Variants in SLC26A7 observed in about 807,000 individuals in gnomAD.
SLC26A7 encodes the protein solute carrier family 26 member 7, also known as anion exchange transporter.
SLC26A7 carries 59 observed loss-of-function variants against 82.5 expected under a neutral mutation model. That is an observed-to-expected ratio of 0.72 (90% CI 0.58 to 0.89). The LOEUF (loss-of-function observed/expected upper bound fraction) is 0.89. SLC26A7 is among the 40% of genes least tolerant of loss of function. The pLI is 0.00. For missense variants in SLC26A7, 820 were observed against 793.0 expected, an observed-to-expected ratio of 1.03 and a Z score of -0.41; for synonymous variants, 271 against 274.3, an observed-to-expected ratio of 0.99 and a Z score of 0.12.
At chr8:91,332,357 TAATTATATATAA>T (rs1813110076) in intron 5 of SLC26A7, among the ~76,000 whole-genome samples, 3 of 143,554 alleles carry the variant, frequency 2.1e-5, no homozygotes. Flanking sequence ...TATAAATTTA[TAATTATATATAA>T]AATTATATAA....
At chr8:91,261,980 G>A (rs542956606) in intron 2 of SLC26A7, among the ~76,000 whole-genome samples, 9 of 152,136 alleles carry the variant, frequency 5.9e-5, no homozygotes, top group African/African-American at 1.7e-4. Context: ...AGAGTAAAAC[G>A]TACCATTGGA....
chr8:91,314,604 C>G (rs1343251561), intron 4 of SLC26A7, among the ~76,000 whole-genome samples: 4 of 152,122 alleles, frequency 2.6e-5, no homozygotes, highest in Non-Finnish European at 4.4e-5. Context: ...ATTCAGAAGA[C>G]AGAAATTTCT....
At chr8:91,360,512 A>G (rs1362395937) in intron 11 of SLC26A7, among the ~76,000 whole-genome samples, 1 of 152,194 alleles carries the variant, frequency 6.6e-6, no homozygotes, top group South Asian at 2.1e-4. Flanking sequence ...ATTAATTTCC[A>G]TTTGATATTT....
intron 3 of SLC26A7, among the ~76,000 whole-genome samples, chr8:91,294,608 G>A (rs1811967299): frequency 6.6e-6 from 1 of 152,132 alleles, no homozygotes; most frequent in Non-Finnish European, 1.5e-5. Context: ...GAGAGCAAAT[G>A]TTTGCACAAT....
chr8:91,211,203 A>G (rs747666590), intron 1 of SLC26A7, among the ~76,000 whole-genome samples: 2 of 152,104 alleles, frequency 1.3e-5, no homozygotes, highest in Non-Finnish European at 2.9e-5. Context: ...AAAAATTTTT[A>G]AAGGAAAATT....
intron 1 of SLC26A7, among the ~76,000 whole-genome samples, chr8:91,216,490 G>T (rs1296826281): frequency 6.6e-6 from 1 of 152,062 alleles, no homozygotes; most frequent in East Asian, 1.9e-4. Context: ...CTTGGTTCTT[G>T]GCTCTATTAA....
intron 5 of SLC26A7, among the ~76,000 whole-genome samples, chr8:91,332,349 T>C (rs1406159538): frequency 7.0e-6 from 1 of 143,322 alleles, no homozygotes; most frequent in South Asian, 2.1e-4. Context: ...ATAATATATA[T>C]AAATTTATAA....
chr8:91,331,180 G>T (rs1435450136), intron 5 of SLC26A7, among the ~76,000 whole-genome samples: 2 of 152,062 alleles, frequency 1.3e-5, no homozygotes, highest in Admixed American at 6.6e-5. Flanking sequence ...ACATTCTGAG[G>T]CACTGGGGGT....
intron 15 of SLC26A7, among the ~76,000 whole-genome samples, chr8:91,371,642 A>T (rs1436609602): frequency 6.6e-6 from 1 of 151,678 alleles, no homozygotes; most frequent in Non-Finnish European, 1.5e-5. Context: ...CAGTCCATCT[A>T]GGTTGATTCT....
chr8:91,255,074 T>C (rs928376575), intron 2 of SLC26A7, among the ~76,000 whole-genome samples: 1 of 152,078 alleles, frequency 6.6e-6, no homozygotes, highest in African/African-American at 2.4e-5. Flanking sequence ...ACTCAAGCAT[T>C]GAGACAGAGT....
At chr8:91,281,227 CA>C (rs777399598) in intron 2 of SLC26A7, among the ~76,000 whole-genome samples, 4 of 152,180 alleles carry the variant, frequency 2.6e-5, no homozygotes, top group Non-Finnish European at 5.9e-5. Flanking sequence ...TGGATTTTTA[CA>C]TAAGAGTATC....
At chr8:91,283,059 C>G (rs1811617445) in intron 2 of SLC26A7, among the ~76,000 whole-genome samples, 1 of 152,118 alleles carries the variant, frequency 6.6e-6, no homozygotes, top group Admixed American at 6.6e-5. Flanking sequence ...ATTCATGTTT[C>G]CATGAAACCA....
At position 91,249,829 on chromosome 8, in the gene SLC26A7, C is replaced by T. The variant is rs780656558; in HGVS notation, c.178C>T (p.Gln60Ter). Residue 60 changes from glutamine to a stop codon, truncating the protein, a stop_gained, in exon 2 of 19, where the codon CAA (glutamine) becomes TAA (stop). Coordinates refer to ENST00000276609, the MANE Select transcript of SLC26A7 (RefSeq NM_052832.4). LOFTEE classifies it high-confidence loss of function. ...DTVSGIMLAV[Q>*]QVTQGLAFAV... is the part of the protein sequence containing the mutation. The stretch of plus-strand genomic sequence containing the variant: ...TGTGTCTGGGATAATGTTGGCAGTT[C>T]AACAGGTGACCCAAGGTAATGTATT... 2 of 1,603,222 alleles carry T rather than the reference C, an allele frequency of 1.2e-6. No homozygotes were observed. The highest frequency in any genetic ancestry group is 2.3e-5 in the South Asian group (2 of 88,820).
chr8:91,296,942 A>G (rs1393147720), intron 4 of SLC26A7, among the ~76,000 whole-genome samples: 1 of 152,092 alleles, frequency 6.6e-6, no homozygotes, highest in East Asian at 1.9e-4. Context: ...ATCTATCCCC[A>G]TCTCAGAAAT....
intron 2 of SLC26A7, among the ~76,000 whole-genome samples, chr8:91,225,553 T>C (rs1586304153): frequency 1.3e-5 from 2 of 151,000 alleles, no homozygotes; most frequent in African/African-American, 4.9e-5. Context: ...ATTCACATGC[T>C]TATTATGATT....
chr8:91,280,524 G>C (rs991783483), intron 2 of SLC26A7, among the ~76,000 whole-genome samples: 1 of 151,532 alleles, frequency 6.6e-6, no homozygotes, highest in Admixed American at 6.6e-5. Context: ...TGTTCCCCTC[G>C]TGCTCTATTC....
intron 16 of SLC26A7, among the ~76,000 whole-genome samples, chr8:91,392,884 C>A (rs1265909839): frequency 6.6e-6 from 1 of 152,064 alleles, no homozygotes; most frequent in Non-Finnish European, 1.5e-5. Context: ...TTTTAACTTG[C>A]AAAAATGGGA....
In SLC26A7 at chr8:91,380,275, G is replaced by T. The variant is rs1814632838; in HGVS notation, c.1676-9063G>T. Reference sequence around the variant, plus strand: ...AGTGTTTTATATTTTGAATTTCTTTGGATTTTGGAATATTTATTTATGCAT... The same window carrying T: ...AGTGTTTTATATTTTGAATTTCTTTTGATTTTGGAATATTTATTTATGCAT... On this transcript the variant is annotated intron_variant, in intron 15 of 18. Coordinates refer to ENST00000276609, the MANE Select transcript of SLC26A7 (RefSeq NM_052832.4). Among the ~76,000 whole-genome samples, 2 of 151,850 alleles carry T rather than the reference G, an allele frequency of 1.3e-5. 1 individual carries two copies. The highest frequency in any genetic ancestry group is 4.2e-4 in the South Asian group (2 of 4,810).
chr8:91,366,521 T>G (rs1305509747), intron 13 of SLC26A7, 59 bp from the exon 14 acceptor site: 4 of 1,559,614 alleles, frequency 2.6e-6, no homozygotes, highest in Middle Eastern at 1.8e-4. Context: ...TTAGATCTGA[T>G]TGTTTATTGG....
Sources: gnomAD v4.1 joint callset for allele counts (sites outside exome capture counted in the v4.1 genomes callset) on GRCh38, gnomAD v4.1.1 for gene constraint, MANE v1.5 for transcripts, NCBI Gene and HGNC (gene_info 2026-07-23, HGNC 2026-07-21) for gene names.